THEMIS: variants seen among roughly 807,000 people sequenced by gnomAD.
THEMIS encodes the protein protein THEMIS.
THEMIS carries 37 observed loss-of-function variants against 52.6 expected under a neutral mutation model. The observed-to-expected ratio is 0.70, with a 90% CI of 0.54 to 0.93. THEMIS has a LOEUF of 0.93. Among genes scored for constraint, THEMIS ranks in the 40% least tolerant of loss-of-function variants. THEMIS has a pLI of 0.00. For missense variants in THEMIS, 808 were observed against 763.1 expected (o/e 1.06, Z -0.69); for synonymous variants, 292 against 272.7 (o/e 1.07, Z -0.70).
intron 4 of THEMIS, among the ~76,000 whole-genome samples, chr6:127,738,484 G>A (rs1282865967): frequency 6.6e-6 from 1 of 152,142 alleles, no homozygotes; most frequent in Non-Finnish European, 1.5e-5. Context: ...TATACAACTA[G>A]AGTTGTCAAT....
chr6:127,827,632 A>T (rs1272346632), intron 3 of THEMIS, among the ~76,000 whole-genome samples: 1 of 152,190 alleles, frequency 6.6e-6, no homozygotes, highest in Admixed American at 6.5e-5. Flanking sequence ...ACTTCCATCC[A>T]GTAGATCAAG....
At chr6:127,871,899 A>G (rs1780169182) in intron 1 of THEMIS, among the ~76,000 whole-genome samples, 1 of 152,160 alleles carries the variant, frequency 6.6e-6, no homozygotes. Context: ...ACAATTCTAG[A>G]TAATCTCTTT....
chr6:127,869,614 A>C (rs1262916722), intron 1 of THEMIS, among the ~76,000 whole-genome samples: 1 of 152,230 alleles, frequency 6.6e-6, no homozygotes, highest in Non-Finnish European at 1.5e-5. Flanking sequence ...AGTTTTATTC[A>C]AAGGCTTCAG....
At chr6:127,775,472 A>C (rs1776534885) in intron 4 of THEMIS, among the ~76,000 whole-genome samples, 1 of 152,158 alleles carries the variant, frequency 6.6e-6, no homozygotes, top group Non-Finnish European at 1.5e-5. Context: ...ATTTCTGCTG[A>C]GAGGAAAATG....
chr6:127,844,169 C>T (rs1434202082), intron 2 of THEMIS, among the ~76,000 whole-genome samples: 3 of 151,992 alleles, frequency 2.0e-5, no homozygotes, highest in South Asian at 4.1e-4. Context: ...AGGGCAGACT[C>T]AGCGTAACCA....
chr6:127,763,726 GTATAA>G (rs1012670627), intron 4 of THEMIS, among the ~76,000 whole-genome samples: 15 of 152,002 alleles, frequency 9.9e-5, no homozygotes, highest in African/African-American at 2.4e-4. Context: ...ACTGAGATGT[GTATAA>G]TATAAGTACT....
intron 4 of THEMIS, among the ~76,000 whole-genome samples, chr6:127,787,222 C>A (rs866254137): frequency 6.6e-6 from 1 of 152,104 alleles, no homozygotes; most frequent in Non-Finnish European, 1.5e-5. Flanking sequence ...ATTTTCCCAA[C>A]TTTCCTGTTT....
chr6:127,887,280 C>G (rs1380195541), intron 1 of THEMIS, among the ~76,000 whole-genome samples: 1 of 151,982 alleles, frequency 6.6e-6, no homozygotes, highest in Non-Finnish European at 1.5e-5. Context: ...AGAAAAAGTA[C>G]TCAACATTAG....
intron 3 of THEMIS, among the ~76,000 whole-genome samples, chr6:127,816,846 C>T (rs1271651218): frequency 6.6e-6 from 1 of 152,146 alleles, no homozygotes; most frequent in Non-Finnish European, 1.5e-5. Flanking sequence ...CTCTAACTCC[C>T]CGCTGTCTCC....
chr6:127,797,203 A>G (rs1048722951), intron 4 of THEMIS, among the ~76,000 whole-genome samples: 1 of 152,206 alleles, frequency 6.6e-6, no homozygotes, highest in African/African-American at 2.4e-5. Context: ...AGAAGAAAGG[A>G]TATACACTCT....
At chr6:127,899,900 A>ATT (rs998918714) in intron 1 of THEMIS, among the ~76,000 whole-genome samples, 1 of 99,508 alleles carries the variant, frequency 1.0e-5, no homozygotes, top group African/African-American at 4.2e-5. Flanking sequence ...GTGTGTGTAT[A>ATT]TTTTATATAT....
At chr6:127,781,828 T>C (rs1270333092) in intron 4 of THEMIS, among the ~76,000 whole-genome samples, 1 of 152,104 alleles carries the variant, frequency 6.6e-6, no homozygotes, top group African/African-American at 2.4e-5. Context: ...GAGGTGTCTG[T>C]CGACCCCTCC....
intron 1 of THEMIS, among the ~76,000 whole-genome samples, chr6:127,875,451 C>T (rs543329454): frequency 9.2e-5 from 14 of 152,204 alleles, no homozygotes; most frequent in African/African-American, 2.6e-4. Context: ...GGGAGAAAGG[C>T]GAGTAGGTTT....
At chr6:127,759,942 G>T (rs1441661226) in intron 4 of THEMIS, among the ~76,000 whole-genome samples, 1 of 148,860 alleles carries the variant, frequency 6.7e-6, no homozygotes, top group African/African-American at 2.5e-5. Flanking sequence ...GTAACCAAAG[G>T]GATCATTCTG....
At chr6:127,848,068 C>CT (rs1491585354) in intron 2 of THEMIS, among the ~76,000 whole-genome samples, 5 of 60,124 alleles carry the variant, frequency 8.3e-5, no homozygotes, top group African/African-American at 1.8e-4. Flanking sequence ...TCCCTCCCCC[C>CT]TCCCCCCCAC....
At chr6:127,914,738 T>C (rs1356337664) in intron 1 of THEMIS, among the ~76,000 whole-genome samples, 2 of 152,164 alleles carry the variant, frequency 1.3e-5, no homozygotes, top group African/African-American at 4.8e-5. Flanking sequence ...AACTTTCAAA[T>C]GTATGTAAAT....
At chr6:127,850,075 A>T (rs1159166167) in intron 2 of THEMIS, among the ~76,000 whole-genome samples, 1 of 152,090 alleles carries the variant, frequency 6.6e-6, no homozygotes, top group Non-Finnish European at 1.5e-5. Context: ...CAAGTGGGCA[A>T]ATGACATGAA....
intron 4 of THEMIS, among the ~76,000 whole-genome samples, chr6:127,807,506 G>T (rs1777759097): frequency 6.6e-6 from 1 of 151,912 alleles, no homozygotes. Context: ...CTTATTTTCA[G>T]ATTCAAAAAC....
chr6:127,913,295 C>A (rs929048365), intron 1 of THEMIS, among the ~76,000 whole-genome samples: 2 of 152,120 alleles, frequency 1.3e-5, no homozygotes, highest in African/African-American at 4.8e-5. Context: ...ATATTATTTT[C>A]ACAATTCTCT....
Sources: gnomAD v4.1 joint callset for allele counts (sites outside exome capture counted in the v4.1 genomes callset) on GRCh38, gnomAD v4.1.1 for gene constraint, MANE v1.5 for transcripts, NCBI Gene and HGNC (gene_info 2026-07-23, HGNC 2026-07-21) for gene names.